The following SWAP70 variants were observed in gnomAD, a reference collection of about 807,000 sequenced individuals.
SWAP70 encodes switching B cell complex subunit SWAP70, also known as switch-associated protein 70.
A neutral mutation model predicts 80.2 loss-of-function variants in SWAP70; 34 were observed. The observed-to-expected ratio is 0.42, with a 90% CI of 0.32 to 0.56. The LOEUF (loss-of-function observed/expected upper bound fraction) is 0.56, where lower values mean the gene tolerates loss of function less well. SWAP70 is among the 20% of genes least tolerant of loss of function. The pLI, the probability that SWAP70 is intolerant of heterozygous loss-of-function variation, is 0.09. For synonymous variants in SWAP70, 239 were observed against 238.5 expected (o/e 1.00, Z -0.02); for missense variants, 578 against 690.7 (o/e 0.84, Z 1.83).
chr11:9,675,330 AGAGAGAGAGAGGGAG>A (rs1850476661), intron 1 of SWAP70, among the ~76,000 whole-genome samples: 2 of 73,894 alleles, frequency 2.7e-5, no homozygotes, highest in Non-Finnish European at 6.5e-5. Flanking sequence ...CGAGAGAGAG[AGAGAGAGAGAGGGAG>A]CGAGAGAGAG....
chr11:9,752,273 A>T lies in SWAP70; in HGVS notation c.*2303A>T, dbSNP rs1344181009. 1 of 152,178 alleles carries T rather than the reference A, an allele frequency of 6.6e-6. No individual in the cohort carries two copies. Among genetic ancestry groups the T allele is most frequent in the East Asian group, 1.9e-4 (1 of 5,204 alleles). 9.4% of individuals were successfully genotyped at this position (152,178 alleles called of 1,614,324 possible). On this transcript the variant is annotated 3_prime_UTR_variant, in exon 12 of 12. Transcript: ENST00000318950. ...TTCCACAGCTGTAGCTGATAACATGACCTGGGGCTTAGCTGCTCTAGCCCT... is the reference window on the plus strand; with the variant it reads ...TTCCACAGCTGTAGCTGATAACATGTCCTGGGGCTTAGCTGCTCTAGCCCT...
chr11:9,735,291 C>T (rs1232153347), intron 7 of SWAP70, among the ~76,000 whole-genome samples: 1 of 152,114 alleles, frequency 6.6e-6, no homozygotes, highest in Non-Finnish European at 1.5e-5. Context: ...CAGTTTATTT[C>T]ACTTAATATA....
intron 1 of SWAP70, among the ~76,000 whole-genome samples, chr11:9,689,279 G>A (rs1421121355): frequency 1.3e-5 from 2 of 152,204 alleles, no homozygotes; most frequent in African/African-American, 2.4e-5. Flanking sequence ...GATGGCTGGA[G>A]TAAAATGCTC....
intron 2 of SWAP70, among the ~76,000 whole-genome samples, chr11:9,696,863 A>G (rs970793276): frequency 6.6e-6 from 1 of 152,158 alleles, no homozygotes; most frequent in Admixed American, 6.5e-5. Flanking sequence ...CATAACAAGT[A>G]TATTTCAATA....
intron 2 of SWAP70, among the ~76,000 whole-genome samples, chr11:9,697,099 C>T (rs1479195689): frequency 6.6e-6 from 1 of 151,808 alleles, no homozygotes; most frequent in Non-Finnish European, 1.5e-5. Context: ...ATTTTTGCAT[C>T]AAACCTAAAT....
At chr11:9,725,962 G>A (rs1408395811) in intron 4 of SWAP70, among the ~76,000 whole-genome samples, 2 of 151,890 alleles carry the variant, frequency 1.3e-5, no homozygotes, top group East Asian at 3.9e-4. Context: ...CCACATTGCT[G>A]AACAGGAGAT....
rs369952707 is a variant in SWAP70, at chr11:9,740,204, G to C, written c.1212G>C (p.Gln404His). The C allele has an allele frequency of 6.2e-7, 1 of 1,614,024 alleles. No homozygotes were observed. Among genetic ancestry groups the C allele is most frequent in the African/African-American group, 1.3e-5 (1 of 74,916 alleles). ...EKLIRQQMEE[Q>H]VAQKSSELEQ... ...AGATCAGACAGCAGATGGAAGAACAGGTTGCTCAAAAGTCCTCTGAACTGG... is the reference window on the plus strand; with the variant it reads ...AGATCAGACAGCAGATGGAAGAACACGTTGCTCAAAAGTCCTCTGAACTGG... The change falls in exon 9 of 12, where the codon CAG becomes CAC. Residue 404 changes from glutamine to histidine, a missense_variant. Physicochemically the swap from Gln to His is conservative, Grantham distance 24 (BLOSUM62 0). Transcript: ENST00000318950.
intron 1 of SWAP70, among the ~76,000 whole-genome samples, chr11:9,690,071 A>G (rs1850677754): frequency 6.6e-6 from 1 of 152,208 alleles, no homozygotes; most frequent in African/African-American, 2.4e-5. Context: ...GTGATTTGGG[A>G]CACATCTCCT....
chr11:9,699,143 G>A (rs1850799464), intron 2 of SWAP70, among the ~76,000 whole-genome samples: 1 of 152,138 alleles, frequency 6.6e-6, no homozygotes, highest in Non-Finnish European at 1.5e-5. Flanking sequence ...GTAGATTAGA[G>A]GTTTCTTGGG....
chr11:9,705,288 G>A (rs1850889241), intron 2 of SWAP70, among the ~76,000 whole-genome samples: 1 of 141,264 alleles, frequency 7.1e-6, no homozygotes, highest in South Asian at 2.3e-4. Flanking sequence ...CTGGTGATAT[G>A]TATACACTGG....
At chr11:9,723,405 A>G (rs1851165012) in intron 3 of SWAP70, among the ~76,000 whole-genome samples, 1 of 152,222 alleles carries the variant, frequency 6.6e-6, no homozygotes, top group Non-Finnish European at 1.5e-5. Context: ...TTCCATTAAA[A>G]AAAAATGCTG....
At chr11:9,697,632 A>C (rs1442935021) in intron 2 of SWAP70, among the ~76,000 whole-genome samples, 2 of 152,216 alleles carry the variant, frequency 1.3e-5, no homozygotes, top group Non-Finnish European at 2.9e-5. Flanking sequence ...ATTTTGCAGC[A>C]AAGATTCTAA....
chr11:9,668,970 G>A (rs1287798648), intron 1 of SWAP70, among the ~76,000 whole-genome samples: 2 of 152,110 alleles, frequency 1.3e-5, no homozygotes, highest in African/African-American at 4.8e-5. Flanking sequence ...ATTAAAGAAG[G>A]CACACTCTCT....
intron 4 of SWAP70, among the ~76,000 whole-genome samples, chr11:9,727,223 A>G (rs1040821430): frequency 1.3e-5 from 2 of 152,046 alleles, no homozygotes; most frequent in African/African-American, 2.4e-5. Flanking sequence ...CCCCATCTCT[A>G]TTAAAAATTC....
At chr11:9,680,306 G>GC (rs1222426402) in intron 1 of SWAP70, among the ~76,000 whole-genome samples, 1 of 152,182 alleles carries the variant, frequency 6.6e-6, no homozygotes, top group Admixed American at 6.5e-5. Flanking sequence ...GCCACGTTTG[G>GC]CTGTTGACTG....
chr11:9,742,418 T>G (rs1190831394), intron 9 of SWAP70, among the ~76,000 whole-genome samples: 2 of 151,732 alleles, frequency 1.3e-5, no homozygotes, highest in African/African-American at 4.8e-5. Context: ...CTCACTGCAA[T>G]CTCCGCCTCC....
At chr11:9,712,751 T>C (rs75238700) in intron 2 of SWAP70, among the ~76,000 whole-genome samples, 38 of 151,468 alleles carry the variant, frequency 2.5e-4, no homozygotes, top group South Asian at 1.7e-3. Flanking sequence ...TTTTTTTTTT[T>C]TTTTGAGATA....
rs1851583889 is a variant in SWAP70, at chr11:9,751,101, G to A, written c.*1131G>A. The A allele has an allele frequency of 6.6e-6, 1 of 152,232 alleles. No homozygotes were observed. Among genetic ancestry groups the A allele is most frequent in the South Asian group, 2.1e-4 (1 of 4,836 alleles). The allele number at this position is 152,232 out of a possible 1,614,324, so 9.4% of individuals were successfully genotyped here. ...AAATAAAAATTATTTGTATAATTAA[G>A]AAAGCAGATTAGATGCACATGGTCA... On this transcript the variant is annotated 3_prime_UTR_variant, in exon 12 of 12. Coordinates refer to ENST00000318950, the MANE Select transcript of SWAP70 (RefSeq NM_015055.4).
rs1413780119 is a variant in SWAP70 at position 9,713,600 on chromosome 11, A to G, written c.375A>G (p.Leu125=). Residue 125 remains leucine (L), a synonymous_variant, in exon 3 of 12, where the codon TTA becomes TTG. Transcript: ENST00000318950. ...AAATATGGGTTATTTTCAACTTTTT[A>G]TCTGAGGACAAGTATCCATTAATTA... is the stretch of plus-strand genomic sequence containing the variant. ...AFKIWVIFNF[L]SEDKYPLIIV... 1.9e-6 allele frequency: 3 copies of G among 1,613,874 alleles called. No individual in the cohort carries two copies. Among genetic ancestry groups the G allele is most frequent in the Non-Finnish European group, 2.5e-6 (3 of 1,179,926 alleles).
Sources: gnomAD v4.1 joint callset for allele counts (sites outside exome capture counted in the v4.1 genomes callset) on GRCh38, gnomAD v4.1.1 for gene constraint, MANE v1.5 for transcripts, NCBI Gene and HGNC (gene_info 2026-07-23, HGNC 2026-07-21) for gene names.